Variants in SLC12A1 observed in about 807,000 individuals in gnomAD.
SLC12A1 encodes solute carrier family 12 member 1, also known as Na-K-2Cl cotransporter.
In SLC12A1, 89 loss-of-function variants were observed where a neutral mutation model predicts 130.4. The observed-to-expected ratio is 0.68, with a 90% CI of 0.58 to 0.81. The LOEUF (loss-of-function observed/expected upper bound fraction) is 0.81, where lower values mean the gene tolerates loss of function less well. Among genes scored for constraint, SLC12A1 ranks in the 40% least tolerant of loss-of-function variants. The probability of loss-of-function intolerance (pLI) is 0.00; values close to 1 mark genes in which losing one functional copy is unlikely to be tolerated. For synonymous variants in SLC12A1, 499 were observed against 460.0 expected (o/e 1.08, Z -1.09); for missense variants, 1,310 against 1,336.4 (o/e 0.98, Z 0.31).
chr15:48,237,291 A>T (rs1843145), intron 9 of SLC12A1: 418,906 of 419,014 alleles, frequency 1, 209,399 homozygotes, highest in Middle Eastern at 1. Context: ...AATTATTTTA[A>T]GTGCAGAGTA....
At chr15:48,285,286 G>A in intron 21 of SLC12A1, 37 bp downstream of exon 21, 2 of 1,604,462 alleles carry the variant, frequency 1.2e-6, no homozygotes, top group Non-Finnish European at 1.7e-6. Context: ...AAGTTTACAA[G>A]ATGAGTCACT....
intron 18 of SLC12A1, among the ~76,000 whole-genome samples, chr15:48,268,490 G>A (rs144159972): frequency 6.6e-6 from 1 of 152,124 alleles, no homozygotes; most frequent in Non-Finnish European, 1.5e-5. Flanking sequence ...AGTGTCAGAA[G>A]TCAGAACTGC....
chr15:48,247,122 T>G, intron 12 of SLC12A1, 106 bp downstream of exon 12: 1 of 1,067,282 alleles, frequency 9.4e-7, no homozygotes, highest in Non-Finnish European at 1.4e-6. Context: ...CATCATTTTC[T>G]GAAACAGTTA....
intron 17 of SLC12A1, among the ~76,000 whole-genome samples, chr15:48,260,671 C>A (rs186131517): frequency 1.9e-4 from 29 of 152,236 alleles, no homozygotes; most frequent in African/African-American, 6.3e-4. Context: ...GAGGAGAAAG[C>A]CTTAGCACAC....
intron 19 of SLC12A1, among the ~76,000 whole-genome samples, chr15:48,272,022 C>CA (rs1190173015): frequency 6.6e-6 from 1 of 152,308 alleles, no homozygotes; most frequent in Non-Finnish European, 1.5e-5. Context: ...GGACTGTCTT[C>CA]CAACCTCTCT....
intron 1 of SLC12A1, 102 bp downstream of exon 1, chr15:48,206,432 G>C (rs914282344): frequency 6.6e-6 from 1 of 152,112 alleles, no homozygotes; most frequent in Admixed American, 6.5e-5. Flanking sequence ...ATGAAGAGAA[G>C]TGTTTTGTAA....
At chr15:48,236,746 G>A (rs1187358438) in intron 9 of SLC12A1, among the ~76,000 whole-genome samples, 1 of 152,188 alleles carries the variant, frequency 6.6e-6, no homozygotes, top group Non-Finnish European at 1.5e-5. Flanking sequence ...TAAGAAACTT[G>A]TTCAAAATGA....
intron 20 of SLC12A1, among the ~76,000 whole-genome samples, chr15:48,279,427 T>C (rs1238118810): frequency 6.6e-6 from 1 of 152,222 alleles, no homozygotes; most frequent in Admixed American, 6.5e-5. Flanking sequence ...AAGCAGTGAA[T>C]AGAAATCAGC....
chr15:48,229,842 AT>A (rs1477766903), intron 6 of SLC12A1, among the ~76,000 whole-genome samples: 2 of 152,228 alleles, frequency 1.3e-5, no homozygotes, highest in African/African-American at 4.8e-5. Flanking sequence ...ATATCAACTA[AT>A]TTCTAGTCCT....
chr15:48,269,278 A>G (rs1159399616), intron 18 of SLC12A1, among the ~76,000 whole-genome samples: 2 of 152,184 alleles, frequency 1.3e-5, no homozygotes, highest in African/African-American at 4.8e-5. Context: ...TTTATTGCTA[A>G]TGACATTATG....
In SLC12A1 at chr15:48,273,306, G is replaced by T. The variant is rs183594673; in HGVS notation, c.2403-1265G>T. 3.9e-5 allele frequency among the ~76,000 whole-genome samples: 6 copies of T among 152,194 alleles called. No individual in the cohort carries two copies. The East Asian group carries it at 1.2e-3, about 29-fold the overall frequency. On this transcript the variant is annotated intron_variant, in intron 19 of 26. Transcript: ENST00000380993. ...TTCAAAGCCAGCGATGGCTGGTCAA[G>T]TTCCTCTCACACCACATTACTGTGA...
intron 10 of SLC12A1, among the ~76,000 whole-genome samples, chr15:48,243,987 C>T (rs2041547936): frequency 6.6e-6 from 1 of 152,082 alleles, no homozygotes; most frequent in Admixed American, 6.5e-5. Flanking sequence ...AAGGGAATGC[C>T]AGTGATTAAA....
rs1204932479 is a variant in SLC12A1, at chr15:48,251,780, T to A, written c.1942+10T>A. The A allele has an allele frequency of 6.2e-7, 1 of 1,612,636 alleles. No individual in the cohort carries two copies. Among genetic ancestry groups the A allele is most frequent in the Non-Finnish European group, 8.5e-7 (1 of 1,178,976 alleles). ...ACTTGTAAGAAGCCAGGTAAGATAA[T>A]GACTGTCTGGAATAGCGTTTCCAAA... On this transcript the variant is annotated intron_variant, in intron 15 of 26. Transcript: ENST00000380993.
Position 48,230,441 on chromosome 15 carries a change from G to C in SLC12A1, c.913G>C (p.Gly305Arg). The C allele has an allele frequency of 1.2e-6, 2 of 1,613,138 alleles. No homozygotes were observed. The highest frequency in any genetic ancestry group is 1.7e-6 in the Non-Finnish European group (2 of 1,179,626). Residue 305 changes from glycine (G) to arginine (R), a missense_variant, in exon 7 of 27, where the codon GGC (glycine) becomes CGC (arginine). Transcript: ENST00000380993. ...TCCAACCAATGACATCCGGATTATA[G>C]GCTCCATCACAGTGGTGATTCTTCT... is the stretch of plus-strand genomic sequence containing the variant. ...VDPTNDIRII[G>R]SITVVILLGI...
At chr15:48,247,488 A>C in intron 13 of SLC12A1, 28 bp downstream of exon 13, 2 of 1,531,260 alleles carry the variant, frequency 1.3e-6, no homozygotes, top group Non-Finnish European at 1.8e-6. Context: ...GTTTTTATTG[A>C]AAACCAAAGA....
At chr15:48,295,938 A>G (rs28656068) in intron 24 of SLC12A1, among the ~76,000 whole-genome samples, 110 of 152,300 alleles carry the variant, frequency 7.2e-4, no homozygotes, top group South Asian at 1.2e-3. Context: ...AATCTCACGG[A>G]TGGCCACTAG....
At position 48,292,931 on chromosome 15, in the gene SLC12A1, T is replaced by C. The variant is rs916632050; in HGVS notation, c.2960+1067T>C. On this transcript the variant is annotated intron_variant, in intron 24 of 26. Coordinates refer to ENST00000380993, the MANE Select transcript of SLC12A1 (RefSeq NM_000338.3). ...TTTTTGGGGGTTTTGTGGGGTTTTT[T>C]TTGAGACAGGGTCTCACTCTGTCAC... 3.3e-5 allele frequency among the ~76,000 whole-genome samples: 5 copies of C among 152,300 alleles called. No individual in the cohort carries two copies. In the East Asian group the frequency reaches 5.8e-4, roughly 18 times the overall value.
chr15:48,271,053 G>A (rs1040620088), intron 19 of SLC12A1, among the ~76,000 whole-genome samples: 6 of 151,062 alleles, frequency 4.0e-5, no homozygotes, highest in East Asian at 2.0e-4. Flanking sequence ...GTGAAACCCC[G>A]TCTCTACTAA....
In SLC12A1 at chr15:48,247,013, C is replaced by A; in HGVS notation, c.1557C>A (p.Phe519Leu). ...CCCTTGTCAGCGCACCCAAAGTGTT[C>A]CAGGTAATACAAGCACAACAGCTTG... ...LASLVSAPKV[F>L]QALCKDNIYK... Residue 519 changes from phenylalanine to leucine, a missense_variant, in exon 12 of 27, where the codon TTC (phenylalanine) becomes TTA (leucine). Phe to Leu is a conservative substitution (Grantham distance 22). Transcript: ENST00000380993. The A allele has an allele frequency of 6.2e-7, 1 of 1,609,082 alleles. No individual in the cohort carries two copies. Among genetic ancestry groups the A allele is most frequent in the South Asian group, 1.1e-5 (1 of 90,988 alleles).
Sources: gnomAD v4.1 joint callset for allele counts (sites outside exome capture counted in the v4.1 genomes callset) on GRCh38, gnomAD v4.1.1 for gene constraint, MANE v1.5 for transcripts, NCBI Gene and HGNC (gene_info 2026-07-23, HGNC 2026-07-21) for gene names.